Variants in CCDC171 observed in about 807,000 individuals in gnomAD.
CCDC171 encodes the protein coiled-coil domain-containing protein 171.
In CCDC171, 177 loss-of-function variants were observed where a neutral mutation model predicts 168.2. The ratio of observed to expected loss-of-function variants is 1.05; its 90% CI spans 0.93 to 1.19. The LOEUF is 1.19. Ranked by LOEUF, CCDC171 falls within the 50% of genes most tolerant of loss-of-function variation. CCDC171 has a pLI of 0.00. For missense variants in CCDC171, 1,991 were observed against 1,539.0 expected, an observed-to-expected ratio of 1.29 and a Z score of -4.91; for synonymous variants, 687 against 540.8, an observed-to-expected ratio of 1.27 and a Z score of -3.75.
chr9:15,671,866 C>A (rs1374441255), intron 9 of CCDC171, among the ~76,000 whole-genome samples: 1 of 152,010 alleles, frequency 6.6e-6, no homozygotes, highest in Non-Finnish European at 1.5e-5. Flanking sequence ...GGGTATATAC[C>A]CAGTAATGGG....
At chr9:15,892,063 C>G (rs1448449843) in intron 24 of CCDC171, among the ~76,000 whole-genome samples, 1 of 152,188 alleles carries the variant, frequency 6.6e-6, no homozygotes, top group African/African-American at 2.4e-5. Context: ...GTTTTATCCA[C>G]TGCGTTTCAA....
At chr9:15,729,836 A>C in intron 16 of CCDC171, 38 bp downstream of exon 16, 1 of 1,558,896 alleles carries the variant, frequency 6.4e-7, no homozygotes, top group Non-Finnish European at 8.7e-7. Flanking sequence ...AAAATGGGTT[A>C]CTCAGTGTAA....
chr9:15,769,525 G>T (rs1038399890), intron 18 of CCDC171, among the ~76,000 whole-genome samples: 1 of 152,336 alleles, frequency 6.6e-6, no homozygotes, highest in East Asian at 1.9e-4. Flanking sequence ...GATAGACCAT[G>T]ATAATATTAG....
At chr9:15,585,281 A>G (rs953115634) in intron 4 of CCDC171, among the ~76,000 whole-genome samples, 1 of 152,224 alleles carries the variant, frequency 6.6e-6, no homozygotes, top group Non-Finnish European at 1.5e-5. Flanking sequence ...TCCAAAAAAG[A>G]CTTGTAAAAG....
intron 21 of CCDC171, among the ~76,000 whole-genome samples, chr9:15,821,058 G>T (rs1205696732): frequency 8.6e-6 from 1 of 116,932 alleles, no homozygotes; most frequent in Admixed American, 8.1e-5. Context: ...ACATAATCCA[G>T]CATATAAACA....
intron 1 of CCDC171, among the ~76,000 whole-genome samples, chr9:16,049,128 C>G (rs901200409): frequency 6.6e-5 from 10 of 152,028 alleles, no homozygotes; most frequent in African/African-American, 2.2e-4. Context: ...TCCTGAAAGC[C>G]GAATTCTAGG....
At chr9:16,002,480 T>C (rs1460703365) in intron 3 of CCDC171, among the ~76,000 whole-genome samples, 2 of 152,150 alleles carry the variant, frequency 1.3e-5, no homozygotes, top group Non-Finnish European at 2.9e-5. Flanking sequence ...GAAAATAGTT[T>C]TGTACAACTG....
intron 6 of CCDC171, among the ~76,000 whole-genome samples, chr9:16,030,006 G>A (rs926662575): frequency 2.6e-5 from 4 of 152,184 alleles, no homozygotes; most frequent in African/African-American, 4.8e-5. Flanking sequence ...GTTCCTCATT[G>A]ATAGCACCTT....
chr9:15,831,758 C>T (rs2060242669), intron 21 of CCDC171, among the ~76,000 whole-genome samples: 1 of 149,726 alleles, frequency 6.7e-6, no homozygotes, highest in Non-Finnish European at 1.5e-5. Context: ...ATTGAGTCAA[C>T]TACAAAGTAA....
chr9:15,677,595 A>G (rs1050692283), intron 9 of CCDC171, among the ~76,000 whole-genome samples: 1 of 151,920 alleles, frequency 6.6e-6, no homozygotes, highest in Admixed American at 6.6e-5. Context: ...AATTTGAATT[A>G]AAATTATTCC....
chr9:15,739,653 A>G (rs1186682014), intron 16 of CCDC171, among the ~76,000 whole-genome samples: 1 of 152,214 alleles, frequency 6.6e-6, no homozygotes, highest in East Asian at 1.9e-4. Flanking sequence ...AAATAGAGAA[A>G]TAATAGGTCT....
Position 15,744,411 on chromosome 9 carries a change from G to T in CCDC171, c.2188G>T (p.Ala730Ser). Reference protein sequence around the residue: ...TQREQMSLLAACALMAGALYP... With the variant: ...TQREQMSLLASCALMAGALYP... The stretch of plus-strand genomic sequence containing the variant: ...AAGGGAACAGATGTCCTTGCTGGCA[G>T]CCTGTGCATTAATGGCTGGTGCCTT... The change falls in exon 17 of 26, where the codon GCC (alanine) becomes TCC (serine). Residue 730 changes from alanine to serine, a missense_variant. Transcript: ENST00000380701. 4 of 1,614,160 alleles carry T rather than the reference G, an allele frequency of 2.5e-6. No homozygotes were observed. The highest frequency in any genetic ancestry group is 1.1e-5 in the South Asian group (1 of 91,076).
At chr9:16,064,221 G>T (rs1833966961), downstream of CCDC171, among the ~76,000 whole-genome samples, 1 of 152,156 alleles carries the variant, frequency 6.6e-6, no homozygotes, top group Non-Finnish European at 1.5e-5. Context: ...TTCACTTGAT[G>T]GAAAGAAATC....
rs557824764 is a variant in CCDC171 at position 15,576,520 on chromosome 9, C to T, written c.178-2329C>T. 5.9e-5 allele frequency among the ~76,000 whole-genome samples: 9 copies of T among 151,948 alleles called. No homozygotes were observed. The South Asian group carries it at 1.0e-3, about 18-fold the overall frequency. ...TAATTTTAAGTAATGTACTTTGTGC[C>T]CTTGAAGAGGATGTAGTCAAGGAAA... On this transcript the variant is annotated intron_variant, in intron 3 of 25. Coordinates refer to ENST00000380701, the MANE Select transcript of CCDC171 (RefSeq NM_173550.4).
the CCDC171 span, among the ~76,000 whole-genome samples, chr9:16,095,869 C>CACATATAT: frequency 4.0e-4 from 50 of 123,844 alleles, no homozygotes; most frequent in Non-Finnish European, 7.3e-4. Context: ...CACATAGGCA[C>CACATATAT]ATATATATAT....
chr9:15,872,546 T>C (rs1252121052), intron 23 of CCDC171, among the ~76,000 whole-genome samples: 1 of 151,990 alleles, frequency 6.6e-6, no homozygotes, highest in Non-Finnish European at 1.5e-5. Context: ...TACTTTGACA[T>C]CCAGGATTTC....
the CCDC171 span, among the ~76,000 whole-genome samples, chr9:16,070,575 G>C: frequency 6.6e-6 from 1 of 152,216 alleles, no homozygotes; most frequent in South Asian, 2.1e-4. Context: ...CTGGATGCCA[G>C]GGTGGGTGTG....
chr9:16,091,749 A>G, the CCDC171 span, among the ~76,000 whole-genome samples: 3 of 152,242 alleles, frequency 2.0e-5, no homozygotes, highest in Admixed American at 2.0e-4. Flanking sequence ...GGTGAATGGT[A>G]GAGTACCTTG....
intron 21 of CCDC171, 82 bp from the exon 22 acceptor site, chr9:15,846,620 C>A: frequency 7.0e-7 from 1 of 1,432,300 alleles, no homozygotes; most frequent in Non-Finnish European, 9.6e-7. Context: ...AGTCTGTATT[C>A]TTCTTTGTTT....
Sources: allele counts gnomAD v4.1 joint callset (sites outside exome capture counted in the v4.1 genomes callset), GRCh38; gene constraint gnomAD v4.1.1; transcripts MANE v1.5; gene names NCBI Gene and HGNC (gene_info 2026-07-23, HGNC 2026-07-21).